Variants in CDK14 observed in about 807,000 individuals in gnomAD.
CDK14 encodes cyclin dependent kinase 14.
CDK14 carries 34 observed loss-of-function variants against 60.7 expected under a neutral mutation model. The observed-to-expected ratio is 0.56, with a 90% CI of 0.43 to 0.75. The LOEUF is 0.75. Ranked by LOEUF, CDK14 falls within the 30% of genes least tolerant of loss-of-function variation. CDK14 has a pLI of 0.00. For synonymous variants in CDK14, 197 were observed against 203.7 expected (o/e 0.97, Z 0.28); for missense variants, 482 against 564.1 (o/e 0.85, Z 1.47).
rs200582445 is a variant in CDK14, at chr7:91,057,433, G to T, written c.1105+11473G>T. Among the ~76,000 whole-genome samples, 1,220 of 151,904 alleles carry T rather than the reference G, an allele frequency of 8.0e-3. 18 individuals are homozygous for T. The highest frequency in any genetic ancestry group is 0.054 in the East Asian group (281 of 5,166). ...AATTAGATCCCATTTGTCAATTTTG[G>T]CTTTTGTTGCCATTGCTTTTGGTGT... On this transcript the variant is annotated intron_variant, in intron 11 of 14. Coordinates refer to ENST00000380050, the MANE Select transcript of CDK14 (RefSeq NM_001287135.2).
chr7:90,998,365 A>T (rs1212332292), intron 10 of CDK14, among the ~76,000 whole-genome samples: 2 of 152,240 alleles, frequency 1.3e-5, no homozygotes, highest in Non-Finnish European at 2.9e-5. Context: ...GATGAATAAA[A>T]ACAGAATACT....
chr7:90,758,894 A>G (rs913962666), intron 4 of CDK14, among the ~76,000 whole-genome samples: 8 of 152,098 alleles, frequency 5.3e-5, no homozygotes, highest in Non-Finnish European at 1.2e-4. Flanking sequence ...TGTCCCTCTT[A>G]AAAATAGAAA....
intron 6 of CDK14, among the ~76,000 whole-genome samples, chr7:90,869,262 G>T (rs550206897): frequency 3.9e-5 from 6 of 152,342 alleles, no homozygotes; most frequent in Non-Finnish European, 8.8e-5. Flanking sequence ...TTAATTGAGG[G>T]TGATCAGGGA....
chr7:91,072,511 T>C (rs544525212), intron 11 of CDK14, among the ~76,000 whole-genome samples: 3 of 151,724 alleles, frequency 2.0e-5, no homozygotes, highest in African/African-American at 7.3e-5. Context: ...CGCAAAAACC[T>C]CCTCCAAGGG....
chr7:90,737,811 T>G lies in CDK14; in HGVS notation c.370-9870T>G, dbSNP rs190676444. On this transcript the variant is annotated intron_variant, in intron 3 of 14. Coordinates refer to ENST00000380050, the MANE Select transcript of CDK14 (RefSeq NM_001287135.2). ...TCACCCTCATACCCACTCTCACAAT[T>G]ACAGTATAATGTGCTGGAGAAGTGA... Among the ~76,000 whole-genome samples the G allele has an allele frequency of 1.5e-3, 233 of 152,300 alleles. 1 individual carries two copies. The highest frequency in any genetic ancestry group is 5.4e-3 in the African/African-American group (225 of 41,564).
At chr7:90,762,058 T>C (rs1048536839) in intron 4 of CDK14, among the ~76,000 whole-genome samples, 1 of 152,138 alleles carries the variant, frequency 6.6e-6, no homozygotes. Flanking sequence ...GGGTTATGTA[T>C]ATTTGCATAA....
intron 5 of CDK14, among the ~76,000 whole-genome samples, chr7:90,808,864 CAAAG>C (rs1272334795): frequency 3.9e-5 from 6 of 152,094 alleles, no homozygotes; most frequent in African/African-American, 7.2e-5. Context: ...TCAAAAGAGA[CAAAG>C]AAGACCATTA....
chr7:90,690,367 C>G (rs1002697425), intron 2 of CDK14, among the ~76,000 whole-genome samples: 1 of 152,018 alleles, frequency 6.6e-6, no homozygotes, highest in Admixed American at 6.6e-5. Flanking sequence ...TTTTTAGTGC[C>G]CCAGGTTTCA....
intron 14 of CDK14, among the ~76,000 whole-genome samples, chr7:91,124,799 A>G (rs1416362691): frequency 6.6e-6 from 1 of 152,222 alleles, no homozygotes; most frequent in East Asian, 1.9e-4. Context: ...TGATGTGGCT[A>G]GTAACCACAA....
intron 2 of CDK14, among the ~76,000 whole-genome samples, chr7:90,619,947 G>A (rs1799733236): frequency 6.6e-6 from 1 of 152,192 alleles, no homozygotes. Flanking sequence ...AGTGAGCCGA[G>A]ATTGTGACCC....
At chr7:90,787,046 AT>A (rs1805614799) in intron 4 of CDK14, among the ~76,000 whole-genome samples, 1 of 152,114 alleles carries the variant, frequency 6.6e-6, no homozygotes, top group African/African-American at 2.4e-5. Context: ...GTGACTTAAC[AT>A]TTTTACCAGG....
chr7:90,636,981 T>C (rs1800168456), intron 2 of CDK14, among the ~76,000 whole-genome samples: 1 of 151,744 alleles, frequency 6.6e-6, no homozygotes. Flanking sequence ...GGTGGTGATA[T>C]CCCCTTTATC....
intron 2 of CDK14, among the ~76,000 whole-genome samples, chr7:90,713,686 T>C (rs1802143237): frequency 6.7e-6 from 1 of 150,034 alleles, no homozygotes; most frequent in Admixed American, 6.7e-5. Flanking sequence ...ATGGAGAGAA[T>C]TGCAGATAAA....
intron 5 of CDK14, among the ~76,000 whole-genome samples, chr7:90,830,710 C>T (rs566634214): frequency 2.6e-5 from 4 of 152,146 alleles, no homozygotes; most frequent in Non-Finnish European, 5.9e-5. Flanking sequence ...CAATGTCAGA[C>T]CATCTCTTTG....
chr7:91,100,558 T>C (rs557710609), intron 12 of CDK14, among the ~76,000 whole-genome samples: 1 of 152,302 alleles, frequency 6.6e-6, no homozygotes, highest in Admixed American at 6.5e-5. Context: ...TATCAATGGA[T>C]TTATGAAAGG....
rs542337913 is a variant in CDK14, at chr7:90,810,385, A to C, written c.544+19733A>C. 3.3e-5 allele frequency among the ~76,000 whole-genome samples: 5 copies of C among 152,352 alleles called. No homozygotes were observed. The East Asian group carries it at 9.6e-4, about 29-fold the overall frequency. On this transcript the variant is annotated intron_variant, in intron 5 of 14. Transcript: ENST00000380050. ...AAGAGAAAAACCACATGATTATCTG[A>C]ATAGATGTGGAAAAGACCTTTGACA...
chr7:91,000,389 A>G (rs1286987525), intron 10 of CDK14, among the ~76,000 whole-genome samples: 3 of 152,230 alleles, frequency 2.0e-5, no homozygotes, highest in Admixed American at 2.0e-4. Flanking sequence ...CTTTTTGCCA[A>G]AAAACAGCTG....
intron 14 of CDK14, among the ~76,000 whole-genome samples, chr7:91,132,896 A>G (rs1218992212): frequency 2.6e-5 from 4 of 152,192 alleles, no homozygotes; most frequent in Admixed American, 2.0e-4. Flanking sequence ...TCTTGATTAT[A>G]CATTTATCAG....
intron 12 of CDK14, among the ~76,000 whole-genome samples, chr7:91,095,620 T>C (rs1021386950): frequency 6.6e-6 from 1 of 152,140 alleles, no homozygotes; most frequent in East Asian, 1.9e-4. Flanking sequence ...GTTTAACAAA[T>C]CATGATTCAG....
Sources: gnomAD v4.1 joint callset for allele counts (sites outside exome capture counted in the v4.1 genomes callset) on GRCh38, gnomAD v4.1.1 for gene constraint, MANE v1.5 for transcripts, NCBI Gene and HGNC (gene_info 2026-07-23, HGNC 2026-07-21) for gene names.